Variants in CUL4A observed in about 807,000 individuals in gnomAD.
CUL4A encodes the protein cullin 4A, also known as cullin-4A.
In CUL4A, 16 loss-of-function variants were observed where a neutral mutation model predicts 95.5. The ratio of observed to expected loss-of-function variants is 0.17; its 90% confidence interval spans 0.11 to 0.25. The LOEUF is 0.25. CUL4A is among the 10% of genes least tolerant of loss of function. The pLI, the probability that CUL4A is intolerant of heterozygous loss-of-function variation, is 1.00. For missense variants in CUL4A, 610 were observed against 937.0 expected (o/e 0.65, Z 4.56); for synonymous variants, 380 against 353.1 (o/e 1.08, Z -0.85).
intron 15 of CUL4A, among the ~76,000 whole-genome samples, chr13:113,247,621 G>T (rs2041889840): frequency 6.6e-6 from 1 of 152,150 alleles, no homozygotes; most frequent in South Asian, 2.1e-4. Context: ...AACTTTGGGG[G>T]AGAAGGTGAG....
chr13:113,234,993 A>G, intron 7 of CUL4A, 70 bp from the exon 8 acceptor site: 2 of 1,180,380 alleles, frequency 1.7e-6, no homozygotes, highest in South Asian at 1.4e-5. Flanking sequence ...AAGGAAAACA[A>G]AATCTCAATT....
chr13:113,248,629 T>C (rs1317858592), intron 15 of CUL4A, among the ~76,000 whole-genome samples: 1 of 152,214 alleles, frequency 6.6e-6, no homozygotes, highest in Admixed American at 6.5e-5. Context: ...ATCCACGGGC[T>C]GTTGGTTCCA....
In CUL4A at chr13:113,233,126, C is replaced by T. The variant is rs756920659; in HGVS notation, c.513-51C>T. Reference sequence around the variant, plus strand: ...AGCATAGCTGGAGATTCACCCATAACTTCTAAAAAGCGAAACTAAAATGTA... The same window carrying T: ...AGCATAGCTGGAGATTCACCCATAATTTCTAAAAAGCGAAACTAAAATGTA... On this transcript the variant is annotated intron_variant, in intron 5 of 19. Transcript: ENST00000375440. The T allele has an allele frequency of 2.5e-6, 4 of 1,576,468 alleles. No individual in the cohort carries two copies. The Admixed American group carries it at 5.3e-5, about 21-fold the overall frequency.
chr13:113,259,029 G>T (rs2042202840), intron 18 of CUL4A, among the ~76,000 whole-genome samples: 1 of 152,140 alleles, frequency 6.6e-6, no homozygotes. Context: ...ATTTCTGACG[G>T]TTTTTATCAG....
chr13:113,209,010 GGC>G (rs1350800722), upstream of CUL4A: 3 of 832,562 alleles, frequency 3.6e-6, no homozygotes, highest in Non-Finnish European at 4.4e-6. Context: ...CGCCTGGCTG[GGC>G]CAGGGCCTCG....
At position 113,254,828 on chromosome 13, in the gene CUL4A, T is replaced by A. The variant is rs759343152; in HGVS notation, c.1858+30T>A. 4 of 1,593,092 alleles carry A rather than the reference T, an allele frequency of 2.5e-6. No individual in the cohort carries two copies. In the Admixed American group the frequency reaches 6.8e-5, roughly 27 times the overall value. On this transcript the variant is annotated intron_variant, in intron 17 of 19. Coordinates refer to ENST00000375440, the MANE Select transcript of CUL4A (RefSeq NM_001008895.4). Reference sequence around the variant, plus strand: ...GAAAACTGCAGAGTGCATAGCTCCATGAGTTGTTCTTAAAGCATGTATTTG... The same window carrying A: ...GAAAACTGCAGAGTGCATAGCTCCAAGAGTTGTTCTTAAAGCATGTATTTG...
At chr13:113,223,578 G>A (rs1197722291) in intron 3 of CUL4A, among the ~76,000 whole-genome samples, 5 of 152,168 alleles carry the variant, frequency 3.3e-5, no homozygotes, top group Non-Finnish European at 7.4e-5. Flanking sequence ...TGTATTTTTA[G>A]TAGAAACGGG....
intron 7 of CUL4A, 126 bp downstream of exon 7, chr13:113,234,112 G>A (rs2041457373): frequency 1.0e-5 from 6 of 583,204 alleles, no homozygotes; most frequent in South Asian, 5.0e-5. Flanking sequence ...TCTGAAAGCT[G>A]CAATCTTGCC....
chr13:113,236,966 C>A, intron 9 of CUL4A, 76 bp downstream of exon 9: 1 of 968,174 alleles, frequency 1.0e-6, no homozygotes, highest in Non-Finnish European at 1.6e-6. Flanking sequence ...GGGGGCATTA[C>A]AAATAGCAGT....
upstream of CUL4A, among the ~76,000 whole-genome samples, chr13:113,209,207 C>T (rs1330062341): frequency 1.4e-5 from 2 of 147,916 alleles, no homozygotes; most frequent in African/African-American, 2.5e-5. Flanking sequence ...GAGGCGCGCG[C>T]CCCGGGGCCC....
At chr13:113,251,949 G>T (rs1211993562) in intron 15 of CUL4A, among the ~76,000 whole-genome samples, 3 of 152,192 alleles carry the variant, frequency 2.0e-5, no homozygotes, top group Non-Finnish European at 2.9e-5. Context: ...TGCAGAGATG[G>T]TCTCCTGAGG....
At chr13:113,230,800 T>C (rs868321481) in intron 5 of CUL4A, among the ~76,000 whole-genome samples, 12 of 152,118 alleles carry the variant, frequency 7.9e-5, no homozygotes, top group Middle Eastern at 3.2e-3. Flanking sequence ...AGACAGGGTC[T>C]CACTCTGTTA....
In CUL4A at chr13:113,225,487, A is replaced by G. The variant is rs1270612378; in HGVS notation, c.369-2489A>G. Among the ~76,000 whole-genome samples the G allele has an allele frequency of 1.3e-5, 2 of 152,230 alleles. 1 individual carries two copies. The highest frequency in any genetic ancestry group is 2.9e-5 in the Non-Finnish European group (2 of 68,042). ...TAGAGGAAGTATTTCTCATTTAATGAACACTTTACATTGGACTTTCCATCT... is the reference window on the plus strand; with the variant it reads ...TAGAGGAAGTATTTCTCATTTAATGGACACTTTACATTGGACTTTCCATCT... On this transcript the variant is annotated intron_variant, in intron 3 of 19. Transcript: ENST00000375440.
chr13:113,240,459 C>T (rs1406018936), intron 10 of CUL4A, among the ~76,000 whole-genome samples: 1 of 152,220 alleles, frequency 6.6e-6, no homozygotes, highest in Non-Finnish European at 1.5e-5. Flanking sequence ...CTCGTGTTTT[C>T]AGGATGTGCC....
chr13:113,264,357 CTTTGATTT>C lies in CUL4A; in HGVS notation c.*779_*786del, dbSNP rs2042362240. On this transcript the variant is annotated 3_prime_UTR_variant, in exon 20 of 20. Coordinates refer to ENST00000375440, the MANE Select transcript of CUL4A (RefSeq NM_001008895.4). ...GTTTTTTTGCATTGGGGTAACTGCTCTTTGATTTTTTTTAATTGCAGTATTTGTGTGAT... is the reference window on the plus strand; with the variant it reads ...GTTTTTTTGCATTGGGGTAACTGCTCTTTTTAATTGCAGTATTTGTGTGAT... The C allele has an allele frequency of 6.6e-6, 1 of 151,832 alleles. No individual in the cohort carries two copies. Among genetic ancestry groups the C allele is most frequent in the Non-Finnish European group, 1.5e-5 (1 of 67,968 alleles). 9.4% of individuals were successfully genotyped at this position (151,832 alleles called of 1,614,324 possible). A position where few individuals can be genotyped will look rare whatever the true frequency, so the allele number is the denominator to read the frequency against.
At position 113,266,845 on chromosome 13, in the gene CUL4A, C is replaced by T. The variant is rs965748675; in HGVS notation, c.*3263C>T. ...GTAAAAAAATACATATATATGAAACCATAATCATAAGATACTTTTTTTGTA... is the reference window on the plus strand; with the variant it reads ...GTAAAAAAATACATATATATGAAACTATAATCATAAGATACTTTTTTTGTA... On this transcript the variant is annotated 3_prime_UTR_variant, in exon 20 of 20. Coordinates refer to ENST00000375440, the MANE Select transcript of CUL4A (RefSeq NM_001008895.4). 2 of 152,100 alleles carry T rather than the reference C, an allele frequency of 1.3e-5. No individual in the cohort carries two copies. Among genetic ancestry groups the T allele is most frequent in the Non-Finnish European group, 2.9e-5 (2 of 68,020 alleles). The allele number at this position is 152,100 out of a possible 1,614,324, so 9.4% of individuals were successfully genotyped here. A position where few individuals can be genotyped will look rare whatever the true frequency, so the allele number is the denominator to read the frequency against.
At chr13:113,229,885 G>A (rs2041247591) in intron 5 of CUL4A, 2 of 456,238 alleles carry the variant, frequency 4.4e-6, no homozygotes, top group African/African-American at 4.0e-5. Context: ...TCGCAGCCCT[G>A]AGGCTGTGCG....
At chr13:113,241,117 A>G (rs2041696636) in intron 10 of CUL4A, among the ~76,000 whole-genome samples, 1 of 152,204 alleles carries the variant, frequency 6.6e-6, no homozygotes, top group African/African-American at 2.4e-5. Context: ...TCGTACAATG[A>G]TAGAATTGGA....
At chr13:113,240,769 G>A (rs993228464) in intron 10 of CUL4A, among the ~76,000 whole-genome samples, 8 of 152,094 alleles carry the variant, frequency 5.3e-5, no homozygotes, top group Non-Finnish European at 4.4e-5. Flanking sequence ...GGGAACAGTC[G>A]GGGTTTCGGC....
Sources: allele counts gnomAD v4.1 joint callset (sites outside exome capture counted in the v4.1 genomes callset), GRCh38; gene constraint gnomAD v4.1.1; transcripts MANE v1.5; gene names NCBI Gene and HGNC (gene_info 2026-07-23, HGNC 2026-07-21).